Variants in ABCC1 observed in about 807,000 individuals in gnomAD.
ABCC1 encodes multidrug resistance-associated protein 1.
ABCC1 carries 83 observed loss-of-function variants against 172.9 expected under a neutral mutation model. The observed-to-expected ratio is 0.48, with a 90% CI of 0.40 to 0.58. ABCC1 has a LOEUF of 0.58. ABCC1 is among the 20% of genes least tolerant of loss of function. The pLI, the probability that ABCC1 is intolerant of heterozygous loss-of-function variation, is 0.00. For missense variants in ABCC1, 1,817 were observed against 2,002.7 expected, an observed-to-expected ratio of 0.91 and a Z score of 1.77; for synonymous variants, 937 against 825.2, an observed-to-expected ratio of 1.14 and a Z score of -2.32.
intron 29 of ABCC1, 36 bp from the exon 30 acceptor site, chr16:16,138,328 C>G: frequency 6.4e-7 from 1 of 1,550,440 alleles, no homozygotes; most frequent in South Asian, 1.2e-5. Flanking sequence ...GTGGTTTGAC[C>G]CAACACTATC....
intron 17 of ABCC1, 63 bp from the exon 18 acceptor site, chr16:16,086,751 CTCGGCCTGCT>C (rs1397222208): frequency 3.2e-6 from 5 of 1,554,360 alleles, no homozygotes; most frequent in Non-Finnish European, 4.4e-6. Flanking sequence ...TCACACCACA[CTCGGCCTGCT>C]TCTACGTATT....
intron 1 of ABCC1, among the ~76,000 whole-genome samples, chr16:15,971,939 A>C (rs914533657): frequency 2.4e-4 from 36 of 152,218 alleles, no homozygotes; most frequent in African/African-American, 6.5e-4. Context: ...TCCCCTGTAC[A>C]GAGACAGAGG....
intron 1 of ABCC1, among the ~76,000 whole-genome samples, chr16:15,976,872 C>A (rs1027208326): frequency 6.6e-6 from 1 of 152,138 alleles, no homozygotes; most frequent in Non-Finnish European, 1.5e-5. Context: ...GGGTGGCTTC[C>A]CCCAGGCCAC....
At chr16:15,983,302 T>C (rs2151595035) in intron 1 of ABCC1, among the ~76,000 whole-genome samples, 1 of 152,098 alleles carries the variant, frequency 6.6e-6, no homozygotes, top group South Asian at 2.1e-4. Context: ...GAACAGTGAG[T>C]TGGGGCTGAA....
chr16:15,970,737 C>T (rs1597062571), intron 1 of ABCC1, among the ~76,000 whole-genome samples: 2 of 152,160 alleles, frequency 1.3e-5, no homozygotes, highest in South Asian at 4.1e-4. Flanking sequence ...ATATTTACAA[C>T]ACAATTATTT....
chr16:16,140,028 T>C (rs1036729593), intron 30 of ABCC1, among the ~76,000 whole-genome samples: 1 of 152,266 alleles, frequency 6.6e-6, no homozygotes, highest in Non-Finnish European at 1.5e-5. Context: ...TAAAACTTTA[T>C]TCATAAAAAC....
Position 16,081,561 on chromosome 16 carries a change from G to A in ABCC1, c.2116-1805G>A, listed in dbSNP as rs372667538. 5.3e-5 allele frequency among the ~76,000 whole-genome samples: 8 copies of A among 152,272 alleles called. No individual in the cohort carries two copies. In the East Asian group the frequency reaches 1.2e-3, roughly 22 times the overall value. On this transcript the variant is annotated intron_variant, in intron 16 of 30. Transcript: ENST00000399410. ...AGTTGGTGTGGTTTGTGTATATTAT[G>A]TCTGAAATTTCTGTGGGTTCTATGG...
chr16:16,061,068 C>T (rs1479305937), intron 12 of ABCC1, among the ~76,000 whole-genome samples: 5 of 151,916 alleles, frequency 3.3e-5, no homozygotes, highest in Admixed American at 6.6e-5. Flanking sequence ...GGAGTACAGG[C>T]GCACGCCACC....
At chr16:15,966,196 C>T (rs2046238291) in intron 1 of ABCC1, among the ~76,000 whole-genome samples, 1 of 151,788 alleles carries the variant, frequency 6.6e-6, no homozygotes, top group Non-Finnish European at 1.5e-5. Context: ...GGGCGGATCA[C>T]GAGGTCAGGA....
Position 16,138,354 on chromosome 16 carries a change from TCCGGTCA to T in ABCC1, c.4293-9_4293-3del. The T allele has an allele frequency of 1.9e-6, 3 of 1,569,986 alleles. No individual in the cohort carries two copies. Among genetic ancestry groups the T allele is most frequent in the Admixed American group, 3.5e-5 (2 of 57,602 alleles). On this transcript the variant is annotated splice_region_variant and splice_polypyrimidine_tract_variant and intron_variant, in intron 29 of 30. Coordinates refer to ENST00000399410, the MANE Select transcript of ABCC1 (RefSeq NM_004996.4). ...CAACACTATCTCCTGGTTTTTTTCT[TCCGGTCA>T]AGTGTCGGGCAGCGCCAGCTTGTGT...
At chr16:16,057,266 T>C (rs1445358631) in intron 12 of ABCC1, among the ~76,000 whole-genome samples, 4 of 146,908 alleles carry the variant, frequency 2.7e-5, no homozygotes, top group African/African-American at 1.0e-4. Context: ...GGCCGAGACA[T>C]GAGAATCCCT....
chr16:16,038,534 G>A (rs1448500796), intron 7 of ABCC1, among the ~76,000 whole-genome samples: 1 of 152,170 alleles, frequency 6.6e-6, no homozygotes, highest in East Asian at 1.9e-4. Context: ...CGGACCCTCT[G>A]CTGATTGGGC....
chr16:16,067,949 G>T (rs1374105950), intron 12 of ABCC1, among the ~76,000 whole-genome samples: 1 of 152,168 alleles, frequency 6.6e-6, no homozygotes, highest in Non-Finnish European at 1.5e-5. Flanking sequence ...GCTCCCGGTC[G>T]TTGATTTATC....
chr16:16,093,498 C>T lies in ABCC1; in HGVS notation c.2644+2910C>T, dbSNP rs150372497. On this transcript the variant is annotated intron_variant, in intron 19 of 30. Transcript: ENST00000399410. ...GCACTTAATTTGGTGATGCAAATGC[C>T]GCCCACCACCCTGGCACCTCGTGCG... is the stretch of plus-strand genomic sequence containing the variant. Among the ~76,000 whole-genome samples, 709 of 152,202 alleles carry T rather than the reference C, an allele frequency of 4.7e-3. 8 individuals are homozygous for T. The highest frequency in any genetic ancestry group is 0.015 in the African/African-American group (632 of 41,546).
At chr16:16,051,590 A>G (rs1259247344) in intron 10 of ABCC1, among the ~76,000 whole-genome samples, 1 of 152,246 alleles carries the variant, frequency 6.6e-6, no homozygotes, top group African/African-American at 2.4e-5. Context: ...CAGGTTCACT[A>G]ATTCTCTGGC....
At chr16:16,048,086 A>G (rs996582455) in intron 9 of ABCC1, 56 bp from the exon 10 acceptor site, 5 of 1,590,982 alleles carry the variant, frequency 3.1e-6, no homozygotes, top group African/African-American at 1.3e-5. Context: ...CTGGAGGGAG[A>G]GTCAGGCCTC....
At chr16:16,010,541 G>T (rs1351938288) in intron 3 of ABCC1, among the ~76,000 whole-genome samples, 1 of 152,112 alleles carries the variant, frequency 6.6e-6, no homozygotes, top group Non-Finnish European at 1.5e-5. Context: ...TCACTATCTG[G>T]CATAGGGGGT....
intron 10 of ABCC1, among the ~76,000 whole-genome samples, chr16:16,052,400 G>A (rs1303583943): frequency 1.3e-5 from 2 of 151,696 alleles, no homozygotes; most frequent in Non-Finnish European, 2.9e-5. Context: ...CTGTACTGCA[G>A]CCTGGGCAAC....
In ABCC1 at chr16:16,052,767, T is replaced by C. The variant is rs992340683; in HGVS notation, c.1424T>C (p.Leu475Pro). The C allele has an allele frequency of 6.2e-7, 1 of 1,614,016 alleles. No homozygotes were observed. The highest frequency in any genetic ancestry group is 8.5e-7 in the Non-Finnish European group (1 of 1,180,038). Residue 475 changes from leucine (L) to proline (P), a missense_variant, in exon 11 of 31, where the codon CTC becomes CCC. Physicochemically the swap from Leu to Pro is moderately conservative, Grantham distance 98 (BLOSUM62 -3). Coordinates refer to ENST00000399410, the MANE Select transcript of ABCC1 (RefSeq NM_004996.4). Reference sequence around the variant, plus strand: ...CTGGCTGGAGTGGCGGTGATGGTCCTCATGGTGCCCGTCAATGCTGTGATG... The same window carrying C: ...CTGGCTGGAGTGGCGGTGATGGTCCCCATGGTGCCCGTCAATGCTGTGATG... Reference protein sequence around the residue: ...SVLAGVAVMVLMVPVNAVMAM... With the variant: ...SVLAGVAVMVPMVPVNAVMAM...
Sources: gnomAD v4.1 joint callset for allele counts (sites outside exome capture counted in the v4.1 genomes callset) on GRCh38, gnomAD v4.1.1 for gene constraint, MANE v1.5 for transcripts, NCBI Gene and HGNC (gene_info 2026-07-23, HGNC 2026-07-21) for gene names.